The following CAMTA1 variants were observed in gnomAD, a reference collection of about 807,000 sequenced individuals.
The protein encoded by CAMTA1 is calmodulin binding transcription activator 1, also known as calmodulin-binding transcription activator 1.
In CAMTA1, 27 loss-of-function variants were observed where a neutral mutation model predicts 170.9. The observed-to-expected ratio is 0.16, with a 90% CI of 0.12 to 0.22. The LOEUF is 0.22. Ranked by LOEUF, CAMTA1 falls within the 10% of genes least tolerant of loss-of-function variation. The pLI, the probability that CAMTA1 is intolerant of heterozygous loss-of-function variation, is 1.00. For synonymous variants in CAMTA1, 833 were observed against 891.5 expected (o/e 0.93, Z 1.17); for missense variants, 1,619 against 2,217.2 (o/e 0.73, Z 5.42).
At position 7,064,397 on chromosome 1, in the gene CAMTA1, A is replaced by AT. The variant is rs1708699835; in HGVS notation, c.235-26905dup. On this transcript the variant is annotated intron_variant, in intron 3 of 22. Coordinates refer to ENST00000303635, the MANE Select transcript of CAMTA1 (RefSeq NM_015215.4). This position sits in a 1 kb window ranked among gnomAD's most constrained non-coding sequence, Gnocchi z 5.4. The stretch of plus-strand genomic sequence containing the variant: ...AGATCTCACCTCCAAATACCATAGC[A>AT]TTGGGGGTTGGGGCTTCAACCTATT... Among the ~76,000 whole-genome samples the AT allele has an allele frequency of 6.6e-6, 1 of 152,086 alleles. No homozygotes were observed. The highest frequency in any genetic ancestry group is 2.4e-5 in the African/African-American group (1 of 41,426).
intron 4 of CAMTA1, among the ~76,000 whole-genome samples, chr1:7,240,580 G>A (rs1664691012): frequency 6.6e-6 from 1 of 150,728 alleles, no homozygotes; most frequent in South Asian, 2.1e-4. Context: ...GGAGTGCAGT[G>A]GTGCTATCTC....
Position 6,803,887 on chromosome 1 carries a change from A to T in CAMTA1, c.46-16294A>T, listed in dbSNP as rs943142686. Among the ~76,000 whole-genome samples the T allele has an allele frequency of 4.7e-3, 687 of 146,108 alleles. 8 individuals are homozygous for T. The highest frequency in any genetic ancestry group is 0.017 in the African/African-American group (668 of 40,100). ...GTATCACCATGCCTAGCTGATTAAA[A>T]TTTTTTTTTTTTTGGCCAGGCATGG... On this transcript the variant is annotated intron_variant, in intron 1 of 22. Transcript: ENST00000303635.
chr1:7,645,456 C>T (rs1212603206), intron 7 of CAMTA1, among the ~76,000 whole-genome samples: 1 of 152,258 alleles, frequency 6.6e-6, no homozygotes, highest in Non-Finnish European at 1.5e-5. Flanking sequence ...GTTGTTCCAT[C>T]CGGAGTGAGT....
At position 7,680,358 on chromosome 1, in the gene CAMTA1, G is replaced by A. The variant is rs1447097360; in HGVS notation, c.2914+2625G>A. The stretch of plus-strand genomic sequence containing the variant: ...AGGCCGTGGAGACGGGTTCGCCGCG[G>A]AGAGGGGAGGAGGGCTGGGGAAGGG... On this transcript the variant is annotated intron_variant, in intron 11 of 22. Transcript: ENST00000303635. The surrounding 1 kb of genome is among the most constrained non-coding windows in gnomAD (Gnocchi z 4.4). 6.0e-6 allele frequency: 1 copy of A among 166,548 alleles called. No individual in the cohort carries two copies. Among genetic ancestry groups the A allele is most frequent in the Admixed American group, 6.5e-5 (1 of 15,356 alleles). 10.3% of individuals were successfully genotyped at this position (166,548 alleles called of 1,614,324 possible).
At chr1:6,829,094 G>T (rs918041140) in intron 3 of CAMTA1, among the ~76,000 whole-genome samples, 8 of 151,824 alleles carry the variant, frequency 5.3e-5, no homozygotes, top group Admixed American at 2.0e-4. Context: ...GTAGAGATGG[G>T]GTTTCGCCCT....
At chr1:7,232,256 C>T (rs1236547454) in intron 4 of CAMTA1, among the ~76,000 whole-genome samples, 1 of 140,088 alleles carries the variant, frequency 7.1e-6, no homozygotes, top group Non-Finnish European at 1.5e-5. Context: ...GCAAGGCACC[C>T]TGGACTCCCC....
At chr1:7,709,673 G>A (rs1360608700) in intron 11 of CAMTA1, among the ~76,000 whole-genome samples, 1 of 152,176 alleles carries the variant, frequency 6.6e-6, no homozygotes, top group Non-Finnish European at 1.5e-5. Context: ...GATGTGTGTA[G>A]GTAACAGCTG....
At chr1:7,345,006 C>T (rs1457929428) in intron 5 of CAMTA1, among the ~76,000 whole-genome samples, 1 of 152,156 alleles carries the variant, frequency 6.6e-6, no homozygotes, top group Non-Finnish European at 1.5e-5. Context: ...CTGCCTCGGC[C>T]TCCCAAAGTG....
chr1:6,933,667 ATT>A (rs376754402), intron 3 of CAMTA1, among the ~76,000 whole-genome samples: 20 of 135,070 alleles, frequency 1.5e-4, no homozygotes, highest in East Asian at 2.2e-4. Flanking sequence ...TTCGTTTTTC[ATT>A]TTTTTTTTTT....
chr1:7,193,632 C>T (rs1470397153), intron 4 of CAMTA1, among the ~76,000 whole-genome samples: 2 of 152,088 alleles, frequency 1.3e-5, no homozygotes, highest in South Asian at 2.1e-4. Flanking sequence ...TCCTTCCACT[C>T]ATGTGCCCAC....
At chr1:7,026,473 T>A (rs898243140) in intron 3 of CAMTA1, among the ~76,000 whole-genome samples, 5 of 152,158 alleles carry the variant, frequency 3.3e-5, no homozygotes, top group African/African-American at 1.2e-4. Context: ...TACCTGTGGC[T>A]CCCCTTGCCA....
intron 4 of CAMTA1, among the ~76,000 whole-genome samples, chr1:7,219,122 G>A (rs1660266624): frequency 1.3e-5 from 2 of 152,174 alleles, no homozygotes; most frequent in Non-Finnish European, 2.9e-5. Flanking sequence ...CGAAGGTGAA[G>A]TGTCTCCCCT....
chr1:7,665,925 T>C lies in CAMTA1; in HGVS notation c.2652+726T>C, dbSNP rs1558088611. Among the ~76,000 whole-genome samples, 1 of 152,164 alleles carries C rather than the reference T, an allele frequency of 6.6e-6. No individual in the cohort carries two copies. Among genetic ancestry groups the C allele is most frequent in the African/African-American group, 2.4e-5 (1 of 41,450 alleles). On this transcript the variant is annotated intron_variant, in intron 9 of 22. Transcript: ENST00000303635. This position sits in a 1 kb window ranked among gnomAD's most constrained non-coding sequence, Gnocchi z 4.3. The stretch of plus-strand genomic sequence containing the variant: ...GCTCATGCCCATAATCCCAGCACTT[T>C]GGGAGGCCAAGGTGGGTGGATCACC...
chr1:7,545,245 T>C (rs571538810), intron 6 of CAMTA1, among the ~76,000 whole-genome samples: 33 of 152,346 alleles, frequency 2.2e-4, no homozygotes, highest in Admixed American at 5.9e-4. Context: ...AGAAACTTTT[T>C]TCTGAACCAT....
In CAMTA1 at chr1:7,157,206, G is replaced by A. The variant is rs572096364; in HGVS notation, c.302+65835G>A. The stretch of plus-strand genomic sequence containing the variant: ...AAAATACAAAAAAAATTAGCCGGGC[G>A]TGGTGGCAGGCACCTGTAGTCCCAG... On this transcript the variant is annotated intron_variant, in intron 4 of 22. Coordinates refer to ENST00000303635, the MANE Select transcript of CAMTA1 (RefSeq NM_015215.4). Among the ~76,000 whole-genome samples the A allele has an allele frequency of 8.6e-5, 13 of 151,776 alleles. No individual in the cohort carries two copies. The East Asian group carries it at 9.7e-4, about 11-fold the overall frequency.
At chr1:7,475,272 A>T (rs1473510474) in intron 6 of CAMTA1, among the ~76,000 whole-genome samples, 6 of 152,194 alleles carry the variant, frequency 3.9e-5, no homozygotes, top group Admixed American at 2.6e-4. Context: ...CTGGCTCTGT[A>T]CCTGGGCCTT....
chr1:7,303,308 A>G (rs1675072639), intron 5 of CAMTA1, among the ~76,000 whole-genome samples: 1 of 152,232 alleles, frequency 6.6e-6, no homozygotes, highest in Non-Finnish European at 1.5e-5. Context: ...TCCAATACAG[A>G]AATATCTTGT....
intron 3 of CAMTA1, among the ~76,000 whole-genome samples, chr1:7,055,231 T>C (rs1371627319): frequency 2.0e-5 from 3 of 152,162 alleles, no homozygotes; most frequent in African/African-American, 4.8e-5. Context: ...TGTTCAGTTG[T>C]TAGGAGATTA....
intron 6 of CAMTA1, among the ~76,000 whole-genome samples, chr1:7,485,266 A>G: frequency 6.6e-6 from 1 of 151,944 alleles, no homozygotes; most frequent in East Asian, 1.9e-4. Context: ...CCATGTCTCC[A>G]TCGTGCCTCG....
Sources: gnomAD v4.1 joint callset for allele counts (sites outside exome capture counted in the v4.1 genomes callset) on GRCh38, gnomAD v4.1.1 for gene constraint, Gnocchi (gnomAD v3.1) non-coding constraint, MANE v1.5 for transcripts, NCBI Gene and HGNC (gene_info 2026-07-23, HGNC 2026-07-21) for gene names.